The following ANTXR2 variants were observed in gnomAD, a reference collection of about 807,000 sequenced individuals.
ANTXR2 encodes anthrax toxin receptor 2.
ANTXR2 carries 44 observed loss-of-function variants against 73.7 expected under a neutral mutation model. That is an observed-to-expected ratio of 0.60 (90% CI 0.47 to 0.77). The LOEUF (loss-of-function observed/expected upper bound fraction) is 0.77. Among genes scored for constraint, ANTXR2 ranks in the 30% least tolerant of loss-of-function variants. The pLI is 0.00. For missense variants in ANTXR2, 604 were observed against 592.5 expected, an observed-to-expected ratio of 1.02 and a Z score of -0.20; for synonymous variants, 217 against 205.9, an observed-to-expected ratio of 1.05 and a Z score of -0.46.
chr4:80,069,047 C>A lies in ANTXR2; in HGVS notation c.296+389G>T, dbSNP rs28526404. ...CAGAAATCCAGGATGTCTACTGAATCTAGGAAATTATCCAAAAGGATCCAT... is the reference window on the plus strand; with the variant it reads ...CAGAAATCCAGGATGTCTACTGAATATAGGAAATTATCCAAAAGGATCCAT... On this transcript the variant is annotated intron_variant, in intron 3 of 16. Coordinates refer to ENST00000403729, the MANE Select transcript of ANTXR2 (RefSeq NM_058172.6). Among the ~76,000 whole-genome samples, 1,162 of 152,210 alleles carry A rather than the reference C, an allele frequency of 7.6e-3. 11 individuals are homozygous for A. The highest frequency in any genetic ancestry group is 0.026 in the African/African-American group (1,095 of 41,516).
chr4:80,016,787 T>G (rs1237037874), intron 11 of ANTXR2, among the ~76,000 whole-genome samples: 2 of 152,232 alleles, frequency 1.3e-5, no homozygotes, highest in Non-Finnish European at 2.9e-5. Flanking sequence ...GCAAAAACAC[T>G]TGGAGCTATT....
intron 2 of ANTXR2, 63 bp from the exon 3 acceptor site, chr4:80,069,570 T>A: frequency 7.7e-7 from 1 of 1,306,532 alleles, no homozygotes; most frequent in Non-Finnish European, 1.1e-6. Context: ...ACGATACAGA[T>A]GTATAGTTAG....
chr4:79,996,354 G>A (rs990776868), intron 12 of ANTXR2, among the ~76,000 whole-genome samples: 3 of 151,360 alleles, frequency 2.0e-5, no homozygotes, highest in African/African-American at 7.3e-5. Flanking sequence ...TGGATGGATG[G>A]ATGAATGAAT....
rs1726763603 is a variant in ANTXR2, at chr4:79,902,920, C to T, written c.*4509G>A. ...AATCACAGCATTTGGGAGACTGAGG[C>T]AGGAGGATCACTTGAGGCCAGGTGT... On this transcript the variant is annotated 3_prime_UTR_variant, in exon 17 of 17. Transcript: ENST00000403729. 6.6e-6 allele frequency: 1 copy of T among 152,038 alleles called. No homozygotes were observed. Among genetic ancestry groups the T allele is most frequent in the East Asian group, 1.9e-4 (1 of 5,174 alleles). The allele number at this position is 152,038 out of a possible 1,614,324, so 9.4% of individuals were successfully genotyped here. A position where few individuals can be genotyped will look rare whatever the true frequency, so the allele number is the denominator to read the frequency against.
intron 16 of ANTXR2, among the ~76,000 whole-genome samples, chr4:79,916,923 G>A (rs1727378190): frequency 6.6e-6 from 1 of 152,106 alleles, no homozygotes; most frequent in Non-Finnish European, 1.5e-5. Context: ...AATAAAATTG[G>A]TTAGCAACAG....
At chr4:80,054,735 T>A (rs1243629885) in intron 6 of ANTXR2, among the ~76,000 whole-genome samples, 1 of 151,534 alleles carries the variant, frequency 6.6e-6, no homozygotes, top group Non-Finnish European at 1.5e-5. Context: ...ATGAAAAAAA[T>A]GGTCTTGTAA....
chr4:79,947,083 AC>A (rs2109977395), intron 16 of ANTXR2, among the ~76,000 whole-genome samples: 1 of 152,260 alleles, frequency 6.6e-6, no homozygotes, highest in Admixed American at 6.5e-5. Flanking sequence ...CAAAGTCCTT[AC>A]TTCTCAGTCA....
chr4:79,954,948 T>A (rs1471044153), intron 16 of ANTXR2, among the ~76,000 whole-genome samples: 1 of 152,180 alleles, frequency 6.6e-6, no homozygotes, highest in Non-Finnish European at 1.5e-5. Context: ...GAAAATCAAT[T>A]TCAATGTGAC....
chr4:79,995,580 T>C (rs1256700737), intron 12 of ANTXR2, among the ~76,000 whole-genome samples: 1 of 151,968 alleles, frequency 6.6e-6, no homozygotes. Context: ...TGTCAATTCT[T>C]ATAAAATGAT....
Position 79,995,824 on chromosome 4 carries a change from C to T in ANTXR2, c.1042-10961G>A, listed in dbSNP as rs536753036. On this transcript the variant is annotated intron_variant, in intron 12 of 16. Coordinates refer to ENST00000403729, the MANE Select transcript of ANTXR2 (RefSeq NM_058172.6). ...TTTTCTACATTGTTAATAATGAAAA[C>T]GAAGCCCTCAAAGCTCTATCTAAAT... is the stretch of plus-strand genomic sequence containing the variant. Among the ~76,000 whole-genome samples the T allele has an allele frequency of 9.6e-4, 146 of 151,942 alleles. 1 individual carries two copies. Among genetic ancestry groups the T allele is most frequent in the African/African-American group, 3.1e-3 (129 of 41,454 alleles).
At chr4:80,041,905 T>C (rs1461314743) in intron 7 of ANTXR2, among the ~76,000 whole-genome samples, 1 of 152,018 alleles carries the variant, frequency 6.6e-6, no homozygotes, top group African/African-American at 2.4e-5. Flanking sequence ...CCTTTGCTAT[T>C]GTGAATAGTG....
At chr4:79,958,229 G>T (rs1442240892) in intron 16 of ANTXR2, among the ~76,000 whole-genome samples, 2 of 151,936 alleles carry the variant, frequency 1.3e-5, no homozygotes, top group South Asian at 2.1e-4. Context: ...GATTTTATTT[G>T]AATTTATTGG....
chr4:79,977,903 A>G, intron 15 of ANTXR2, 104 bp downstream of exon 15: 1 of 1,355,610 alleles, frequency 7.4e-7, no homozygotes, highest in Non-Finnish European at 1.0e-6. Flanking sequence ...GAATATCTGC[A>G]ATTTCATCTA....
intron 12 of ANTXR2, among the ~76,000 whole-genome samples, chr4:79,994,481 A>G (rs1730630753): frequency 1.3e-5 from 2 of 151,992 alleles, no homozygotes; most frequent in African/African-American, 4.8e-5. Context: ...ATCTGAACTC[A>G]TTTTCACTTC....
At chr4:79,988,911 A>T (rs2110027206) in intron 12 of ANTXR2, among the ~76,000 whole-genome samples, 1 of 152,312 alleles carries the variant, frequency 6.6e-6, no homozygotes, top group East Asian at 1.9e-4. Context: ...GCAAAGAGTG[A>T]AATTAAGGCA....
chr4:80,011,313 A>ATCTATCTATCTG (rs1418775312), intron 11 of ANTXR2, among the ~76,000 whole-genome samples: 71 of 116,876 alleles, frequency 6.1e-4, no homozygotes, highest in South Asian at 3.6e-3. Context: ...CTATCTATCT[A>ATCTATCTATCTG]TCTGTCTATC....
intron 12 of ANTXR2, among the ~76,000 whole-genome samples, chr4:80,003,335 C>G (rs960510294): frequency 1.4e-5 from 2 of 143,032 alleles, no homozygotes; most frequent in Non-Finnish European, 3.0e-5. Context: ...ACCGCATATT[C>G]TCACTCATAG....
At chr4:80,051,910 T>G (rs1733790406) in intron 7 of ANTXR2, among the ~76,000 whole-genome samples, 1 of 151,616 alleles carries the variant, frequency 6.6e-6, no homozygotes, top group Non-Finnish European at 1.5e-5. Flanking sequence ...GGGACCAGAC[T>G]ATCTTGGTCA....
chr4:79,996,738 A>G (rs558479455), intron 12 of ANTXR2, among the ~76,000 whole-genome samples: 1 of 152,030 alleles, frequency 6.6e-6, no homozygotes, highest in Non-Finnish European at 1.5e-5. Flanking sequence ...AACTACAGTC[A>G]TGAGAATTCC....
Sources: allele counts gnomAD v4.1 joint callset (sites outside exome capture counted in the v4.1 genomes callset), GRCh38; gene constraint gnomAD v4.1.1; transcripts MANE v1.5; gene names NCBI Gene and HGNC (gene_info 2026-07-23, HGNC 2026-07-21).